Variants in FTO observed in about 807,000 individuals in gnomAD.
FTO encodes the protein alpha-ketoglutarate-dependent dioxygenase FTO.
In FTO, 47 loss-of-function variants were observed where a neutral mutation model predicts 63.9. The ratio of observed to expected loss-of-function variants is 0.74; its 90% CI spans 0.58 to 0.94. FTO has a LOEUF of 0.94. Ranked by LOEUF, FTO falls within the 40% of genes least tolerant of loss-of-function variation. The probability of loss-of-function intolerance (pLI) is 0.00; values close to 1 mark genes in which losing one functional copy is unlikely to be tolerated. For missense variants in FTO, 562 were observed against 618.1 expected (o/e 0.91, Z 0.96); for synonymous variants, 207 against 224.4 (o/e 0.92, Z 0.69).
chr16:53,868,836 CTTTT>C (rs2080407246), intron 4 of FTO, among the ~76,000 whole-genome samples: 1 of 151,734 alleles, frequency 6.6e-6, no homozygotes, highest in African/African-American at 2.4e-5. Flanking sequence ...TTCTTTCTTT[CTTTT>C]TGTTTTTTTG....
intron 4 of FTO, among the ~76,000 whole-genome samples, chr16:53,857,268 G>C (rs1056396493): frequency 1.3e-5 from 2 of 152,038 alleles, no homozygotes; most frequent in Admixed American, 1.3e-4. Flanking sequence ...CCTAGTGTCT[G>C]TTGTTCCTTT....
At chr16:53,771,097 T>C (rs2077323912) in intron 1 of FTO, among the ~76,000 whole-genome samples, 1 of 152,158 alleles carries the variant, frequency 6.6e-6, no homozygotes, top group African/African-American at 2.4e-5. Context: ...CGAAAGGGAT[T>C]GGCAATTAAG....
chr16:53,749,928 A>G (rs1242707689), intron 1 of FTO, among the ~76,000 whole-genome samples: 1 of 152,186 alleles, frequency 6.6e-6, no homozygotes, highest in Non-Finnish European at 1.5e-5. Flanking sequence ...TTCATGTAGA[A>G]TGTAATTTCA....
At chr16:53,720,256 C>T (rs1484728048) in intron 1 of FTO, among the ~76,000 whole-genome samples, 1 of 152,136 alleles carries the variant, frequency 6.6e-6, no homozygotes, top group Non-Finnish European at 1.5e-5. Flanking sequence ...TGTGATGTTT[C>T]ATCTGTAAAA....
intron 8 of FTO, among the ~76,000 whole-genome samples, chr16:54,068,294 A>G (rs576592897): frequency 6.7e-6 from 1 of 148,868 alleles, no homozygotes; most frequent in Non-Finnish European, 1.5e-5. Context: ...TTTCTAGTGC[A>G]TTTCCAGATC....
chr16:53,773,439 A>C (rs1455888342), intron 1 of FTO, among the ~76,000 whole-genome samples: 1 of 152,132 alleles, frequency 6.6e-6, no homozygotes, highest in Admixed American at 6.6e-5. Flanking sequence ...TTATTGGTAC[A>C]GGGCATAGTG....
intron 2 of FTO, among the ~76,000 whole-genome samples, chr16:53,816,512 C>G (rs1322809045): frequency 6.8e-6 from 1 of 146,756 alleles, no homozygotes; most frequent in Non-Finnish European, 1.5e-5. Flanking sequence ...CCCCCTCACA[C>G]TTTTCTTCCT....
At chr16:53,889,467 C>A (rs970483126) in intron 7 of FTO, among the ~76,000 whole-genome samples, 1 of 152,172 alleles carries the variant, frequency 6.6e-6, no homozygotes, top group South Asian at 2.1e-4. Context: ...TGTGTCCCAA[C>A]AGTTGAACAA....
chr16:53,721,673 G>A lies in FTO; in HGVS notation c.45+17444G>A, dbSNP rs533305388. On this transcript the variant is annotated intron_variant, in intron 1 of 8. Transcript: ENST00000471389. ...ATATAAGTCAGTCTTAGGTTAACAG[G>A]TTGTTTTAAAATTGCTAACCACTAT... 4.6e-5 allele frequency among the ~76,000 whole-genome samples: 7 copies of A among 152,246 alleles called. No homozygotes were observed. In the South Asian group the frequency reaches 1.2e-3, roughly 27 times the overall value.
chr16:53,962,303 A>G (rs559552567), intron 8 of FTO, among the ~76,000 whole-genome samples: 2 of 152,150 alleles, frequency 1.3e-5, no homozygotes, highest in Admixed American at 1.3e-4. Context: ...GCTTGCTTTC[A>G]TGTTAATGCT....
chr16:53,865,751 C>T (rs1342193087), intron 4 of FTO, among the ~76,000 whole-genome samples: 1 of 152,172 alleles, frequency 6.6e-6, no homozygotes, highest in African/African-American at 2.4e-5. Context: ...CTTGTTTCCC[C>T]TTTAGTTCTT....
At chr16:53,828,836 G>A (rs1467687819) in intron 3 of FTO, among the ~76,000 whole-genome samples, 1 of 152,162 alleles carries the variant, frequency 6.6e-6, no homozygotes, top group Non-Finnish European at 1.5e-5. Context: ...TGCATTATGA[G>A]CAGGTATTTC....
intron 1 of FTO, among the ~76,000 whole-genome samples, chr16:53,780,512 A>G (rs1346016870): frequency 6.6e-6 from 1 of 151,958 alleles, no homozygotes; most frequent in Non-Finnish European, 1.5e-5. Flanking sequence ...ATCTGGGCTC[A>G]CTGTAACCAC....
chr16:53,718,599 G>A (rs1472992062), intron 1 of FTO, among the ~76,000 whole-genome samples: 1 of 151,840 alleles, frequency 6.6e-6, no homozygotes, highest in Non-Finnish European at 1.5e-5. Flanking sequence ...GTTATACTTC[G>A]GGATTCTAGT....
intron 1 of FTO, among the ~76,000 whole-genome samples, chr16:53,749,769 T>C (rs879796842): frequency 3.3e-5 from 5 of 152,224 alleles, no homozygotes; most frequent in Admixed American, 3.3e-4. Flanking sequence ...TTGAGTATAA[T>C]GGTAGCTGTG....
At chr16:54,058,723 T>C (rs2085500917) in intron 8 of FTO, among the ~76,000 whole-genome samples, 1 of 152,160 alleles carries the variant, frequency 6.6e-6, no homozygotes, top group Non-Finnish European at 1.5e-5. Flanking sequence ...TTACTTGGCT[T>C]TTCCCCCCAC....
At chr16:54,098,159 C>A (rs1029214761) in intron 8 of FTO, among the ~76,000 whole-genome samples, 3 of 152,154 alleles carry the variant, frequency 2.0e-5, no homozygotes, top group Admixed American at 2.0e-4. Context: ...GCTTTTAAAT[C>A]AGTTTAATTC....
At chr16:54,082,555 G>C (rs551890623) in intron 8 of FTO, among the ~76,000 whole-genome samples, 1 of 152,280 alleles carries the variant, frequency 6.6e-6, no homozygotes, top group African/African-American at 2.4e-5. Context: ...TATAACTTAT[G>C]TACTCTCATA....
intron 4 of FTO, among the ~76,000 whole-genome samples, chr16:53,869,708 T>C (rs1021256723): frequency 6.6e-6 from 1 of 152,238 alleles, no homozygotes; most frequent in Admixed American, 6.5e-5. Flanking sequence ...TCCAGCATTT[T>C]GTTTTTGATT....
Sources: gnomAD v4.1 joint callset for allele counts (sites outside exome capture counted in the v4.1 genomes callset) on GRCh38, gnomAD v4.1.1 for gene constraint, MANE v1.5 for transcripts, NCBI Gene and HGNC (gene_info 2026-07-23, HGNC 2026-07-21) for gene names.